The following ARL15 variants were observed in gnomAD, a reference collection of about 807,000 sequenced individuals.
The protein encoded by ARL15 is ADP-ribosylation factor-like protein 15.
ARL15 carries 19 observed loss-of-function variants against 25.2 expected under a neutral mutation model. The observed-to-expected ratio is 0.75, with a 90% CI of 0.53 to 1.10. The LOEUF is 1.10. Ranked by LOEUF, ARL15 falls within the 50% of genes least tolerant of loss-of-function variation. The probability of loss-of-function intolerance (pLI) is 0.00; values close to 1 mark genes in which losing one functional copy is unlikely to be tolerated. For synonymous variants in ARL15, 94 were observed against 86.8 expected (o/e 1.08, Z -0.46); for missense variants, 220 against 246.0 (o/e 0.89, Z 0.71).
Position 53,951,630 on chromosome 5 carries a change from A to G in ARL15, c.463-64917T>C, listed in dbSNP as rs146855563. On this transcript the variant is annotated intron_variant, in intron 4 of 4. Coordinates refer to ENST00000504924, the MANE Select transcript of ARL15 (RefSeq NM_019087.3). ...GGAAAACCTTACTTACTCCTTCCCT[A>G]TATACTCCTTCCCTATATATTTTCG... 2,441 of 449,758 alleles carry G rather than the reference A, an allele frequency of 5.4e-3. 10 individuals carry two copies. The highest frequency in any genetic ancestry group is 8.4e-3 in the Non-Finnish European group (1,870 of 221,536). The allele number at this position is 449,758 out of a possible 1,614,324, so 27.9% of individuals were successfully genotyped here. A position where few individuals can be genotyped will look rare whatever the true frequency, so the allele number is the denominator to read the frequency against.
intron 4 of ARL15, among the ~76,000 whole-genome samples, chr5:53,967,299 G>A (rs1474459408): frequency 3.9e-5 from 6 of 152,130 alleles, no homozygotes; most frequent in African/African-American, 1.4e-4. Flanking sequence ...TTCATCACAA[G>A]TTATCTCTTC....
At chr5:54,108,496 A>G (rs1192555540) in intron 4 of ARL15, among the ~76,000 whole-genome samples, 1 of 152,120 alleles carries the variant, frequency 6.6e-6, no homozygotes, top group African/African-American at 2.4e-5. Flanking sequence ...TGATTATTTT[A>G]CAAACACATT....
chr5:54,063,282 T>C (rs1470790352), intron 4 of ARL15, among the ~76,000 whole-genome samples: 1 of 152,190 alleles, frequency 6.6e-6, no homozygotes, highest in East Asian at 1.9e-4. Flanking sequence ...AGACGTTTCC[T>C]AGGAAATGAG....
At chr5:54,228,794 T>G (rs27635) in intron 1 of ARL15, among the ~76,000 whole-genome samples, 10,027 of 152,226 alleles carry the variant, frequency 0.066, 518 homozygotes, top group African/African-American at 0.14. Context: ...ATGTTAAGGA[T>G]TCTAAGAATT....
intron 3 of ARL15, among the ~76,000 whole-genome samples, chr5:54,150,030 A>G (rs1322731863): frequency 6.6e-6 from 1 of 152,194 alleles, no homozygotes; most frequent in Non-Finnish European, 1.5e-5. Context: ...CTAAATGGAT[A>G]TCTGTTCTAG....
At chr5:53,947,500 A>C (rs535498869) in intron 4 of ARL15, among the ~76,000 whole-genome samples, 1 of 152,278 alleles carries the variant, frequency 6.6e-6, no homozygotes, top group East Asian at 1.9e-4. Flanking sequence ...TCACTCCTCC[A>C]GAGATATATC....
At chr5:54,116,428 C>T (rs1306943421) in intron 3 of ARL15, among the ~76,000 whole-genome samples, 1 of 152,126 alleles carries the variant, frequency 6.6e-6, no homozygotes, top group Non-Finnish European at 1.5e-5. Flanking sequence ...GGCAGTGTTA[C>T]TCGGTGGTAA....
intron 1 of ARL15, among the ~76,000 whole-genome samples, chr5:54,252,819 G>C (rs543226639): frequency 1.3e-5 from 2 of 152,152 alleles, no homozygotes; most frequent in South Asian, 4.1e-4. Flanking sequence ...CTGCCTCCGG[G>C]CTCAAGCAAT....
At chr5:53,996,448 G>A (rs186882947) in intron 4 of ARL15, among the ~76,000 whole-genome samples, 104 of 152,084 alleles carry the variant, frequency 6.8e-4, no homozygotes, top group Non-Finnish European at 1.2e-3. Context: ...GCAAAACTCC[G>A]TCTCCACTAA....
intron 4 of ARL15, among the ~76,000 whole-genome samples, chr5:53,896,281 G>T (rs1744869167): frequency 6.6e-6 from 1 of 152,100 alleles, no homozygotes; most frequent in African/African-American, 2.4e-5. Flanking sequence ...TGATCTGCCT[G>T]CCTCGGCCTC....
intron 4 of ARL15, among the ~76,000 whole-genome samples, chr5:53,975,083 CA>C (rs1414075827): frequency 2.6e-5 from 4 of 152,150 alleles, no homozygotes; most frequent in Non-Finnish European, 4.4e-5. Context: ...ACCAGGAAAC[CA>C]ACATCCTCTA....
chr5:54,131,685 A>G (rs975800732), intron 3 of ARL15, among the ~76,000 whole-genome samples: 1 of 152,198 alleles, frequency 6.6e-6, no homozygotes, highest in Non-Finnish European at 1.5e-5. Flanking sequence ...ACTTTCTGAG[A>G]AACTTTTATG....
intron 1 of ARL15, among the ~76,000 whole-genome samples, chr5:54,242,624 C>T (rs1756987716): frequency 6.6e-6 from 1 of 152,132 alleles, no homozygotes; most frequent in African/African-American, 2.4e-5. Context: ...AATGCAAACG[C>T]AGAGCTCCCG....
intron 4 of ARL15, among the ~76,000 whole-genome samples, chr5:53,917,744 T>C (rs1745701223): frequency 6.6e-6 from 1 of 152,170 alleles, no homozygotes; most frequent in Non-Finnish European, 1.5e-5. Context: ...GGACATCTTC[T>C]TTGCATTGCC....
chr5:53,957,576 C>T (rs897909188), intron 4 of ARL15, among the ~76,000 whole-genome samples: 4 of 152,202 alleles, frequency 2.6e-5, no homozygotes, highest in African/African-American at 9.6e-5. Context: ...TGATTTATGC[C>T]TATAATCCCA....
At chr5:54,244,175 G>A (rs1561281131) in intron 1 of ARL15, among the ~76,000 whole-genome samples, 2 of 152,250 alleles carry the variant, frequency 1.3e-5, no homozygotes, top group South Asian at 4.1e-4. Context: ...GAAAATTCTA[G>A]ATTTCACCCA....
At chr5:54,041,988 T>G (rs1315398213) in intron 4 of ARL15, among the ~76,000 whole-genome samples, 3 of 151,768 alleles carry the variant, frequency 2.0e-5, no homozygotes, top group African/African-American at 7.3e-5. Flanking sequence ...TTTTTTTTTT[T>G]GAGACGGAGT....
At chr5:54,068,805 T>G (rs1386833491) in intron 4 of ARL15, among the ~76,000 whole-genome samples, 1 of 152,206 alleles carries the variant, frequency 6.6e-6, no homozygotes, top group East Asian at 1.9e-4. Flanking sequence ...TTTTATTTGT[T>G]GAAGACCAAA....
chr5:53,936,336 C>A (rs1005901683), intron 4 of ARL15, among the ~76,000 whole-genome samples: 2 of 152,152 alleles, frequency 1.3e-5, no homozygotes, highest in African/African-American at 4.8e-5. Context: ...GTTTAGCAAT[C>A]CTTAGAGACA....
Sources: allele counts gnomAD v4.1 joint callset (sites outside exome capture counted in the v4.1 genomes callset), GRCh38; gene constraint gnomAD v4.1.1; transcripts MANE v1.5; gene names NCBI Gene and HGNC (gene_info 2026-07-23, HGNC 2026-07-21).